DOCK2: variants seen among roughly 807,000 people sequenced by gnomAD.
DOCK2 encodes dedicator of cytokinesis protein 2.
In DOCK2, 87 loss-of-function variants were observed where a neutral mutation model predicts 248.9. That is an observed-to-expected ratio of 0.35 (90% confidence interval 0.29 to 0.42). The LOEUF is 0.42. Ranked by LOEUF, DOCK2 falls within the 10% of genes least tolerant of loss-of-function variation. The pLI, the probability that DOCK2 is intolerant of heterozygous loss-of-function variation, is 1.00. For missense variants in DOCK2, 1,747 were observed against 2,300.2 expected (o/e 0.76, Z 4.92); for synonymous variants, 805 against 821.6 (o/e 0.98, Z 0.35).
At chr5:169,704,129 T>C (rs967674306) in intron 14 of DOCK2, 1 of 152,216 alleles carries the variant, frequency 6.6e-6, no homozygotes, top group African/African-American at 2.4e-5. Flanking sequence ...GGCATGGTGA[T>C]GATTTGTGGT....
intron 27 of DOCK2, among the ~76,000 whole-genome samples, chr5:169,896,123 C>T (rs1330851490): frequency 6.6e-6 from 1 of 152,082 alleles, no homozygotes; most frequent in African/African-American, 2.4e-5. Flanking sequence ...TTGGAAGGAG[C>T]TCCCAGAGCG....
chr5:169,983,073 C>T lies in DOCK2; in HGVS notation c.2805C>T (p.His935=), dbSNP rs1243534362. 1.2e-6 allele frequency: 2 copies of T among 1,614,032 alleles called. No homozygotes were observed. The highest frequency in any genetic ancestry group is 2.2e-5 in the South Asian group (2 of 91,086). The change falls in exon 28 of 52, where the codon CAC becomes CAT. Residue 935 remains histidine (H), a synonymous_variant. Coordinates refer to ENST00000520908, the MANE Select transcript of DOCK2 (RefSeq NM_004946.3). ...TTTGTCTTCATTTCTTGCAGAGTCA[C>T]TTTGTGGCATGTATGACAGCCATCT... is the stretch of plus-strand genomic sequence containing the variant. ...TMGRDHILIS[H]FVACMTAILN...
At chr5:169,940,719 C>T (rs1218717052) in intron 27 of DOCK2, among the ~76,000 whole-genome samples, 1 of 152,170 alleles carries the variant, frequency 6.6e-6, no homozygotes, top group Non-Finnish European at 1.5e-5. Context: ...ACTGATCTGA[C>T]AGGAGGGGGA....
chr5:169,653,448 C>G (rs1218813757), intron 1 of DOCK2, among the ~76,000 whole-genome samples: 2 of 152,186 alleles, frequency 1.3e-5, no homozygotes, highest in Non-Finnish European at 2.9e-5. Flanking sequence ...TTGGAGGAGT[C>G]TGGAGACGTA....
intron 25 of DOCK2, chr5:169,773,010 A>G (rs1765178200): frequency 6.6e-6 from 1 of 152,202 alleles, no homozygotes. Flanking sequence ...AGAGGCATCA[A>G]AGTTCTTCAA....
chr5:169,732,573 A>C (rs1762838198), intron 22 of DOCK2, among the ~76,000 whole-genome samples: 1 of 152,152 alleles, frequency 6.6e-6, no homozygotes, highest in Admixed American at 6.5e-5. Context: ...CTGACCCACA[A>C]ACCAGTATGC....
intron 32 of DOCK2, among the ~76,000 whole-genome samples, chr5:170,009,569 T>C (rs1288813206): frequency 1.3e-5 from 2 of 152,208 alleles, no homozygotes; most frequent in Non-Finnish European, 2.9e-5. Context: ...TTTATTTTTC[T>C]GTCCCTCCTT....
chr5:170,073,067 A>G (rs1016304412), intron 46 of DOCK2, among the ~76,000 whole-genome samples: 4 of 152,208 alleles, frequency 2.6e-5, no homozygotes, highest in African/African-American at 9.6e-5. Context: ...GTCCACTTTA[A>G]GAAACCGCAA....
At chr5:169,726,224 T>C (rs928900331) in intron 22 of DOCK2, among the ~76,000 whole-genome samples, 5 of 152,202 alleles carry the variant, frequency 3.3e-5, no homozygotes, top group Admixed American at 6.5e-5. Flanking sequence ...TGGTATCTCA[T>C]TGTGGTTTTG....
intron 22 of DOCK2, among the ~76,000 whole-genome samples, chr5:169,742,837 A>G (rs1028427609): frequency 6.6e-5 from 10 of 152,214 alleles, no homozygotes; most frequent in African/African-American, 2.4e-4. Flanking sequence ...GAGCATCGCT[A>G]TATTTATCCA....
chr5:170,024,357 C>CT (rs35718164), intron 33 of DOCK2, among the ~76,000 whole-genome samples: 49,490 of 100,744 alleles, frequency 0.49, 14,396 homozygotes, highest in African/African-American at 0.72. Context: ...TTGGGAGAGC[C>CT]TTTTTTTTTT....
At chr5:169,701,000 A>G (rs562802080) in intron 13 of DOCK2, among the ~76,000 whole-genome samples, 3 of 152,336 alleles carry the variant, frequency 2.0e-5, no homozygotes, top group East Asian at 3.9e-4. Context: ...GCCATTTTCA[A>G]TTTTCAATGG....
chr5:169,972,538 GAGAC>G (rs1312908234), intron 27 of DOCK2, among the ~76,000 whole-genome samples: 4 of 129,400 alleles, frequency 3.1e-5, no homozygotes, highest in Admixed American at 1.6e-4. Context: ...GAGCCACTGT[GAGAC>G]AGATAGATAG....
chr5:169,721,782 G>T (rs1209423732), intron 22 of DOCK2, among the ~76,000 whole-genome samples: 1 of 152,260 alleles, frequency 6.6e-6, no homozygotes, highest in African/African-American at 2.4e-5. Context: ...GGAAAGAAGA[G>T]TCGTTGTGGA....
At chr5:169,883,210 C>G in intron 27 of DOCK2, 2 of 1,551,622 alleles carry the variant, frequency 1.3e-6, no homozygotes, top group Non-Finnish European at 8.7e-7. Flanking sequence ...TATGGAGTTA[C>G]TTACTTCAGC....
At chr5:169,724,179 T>A (rs541974000) in intron 22 of DOCK2, among the ~76,000 whole-genome samples, 44 of 152,264 alleles carry the variant, frequency 2.9e-4, no homozygotes, top group African/African-American at 1.0e-3. Flanking sequence ...CTGGAGGGGC[T>A]GACGTACTGA....
intron 25 of DOCK2, among the ~76,000 whole-genome samples, chr5:169,771,580 C>G (rs981886266): frequency 6.6e-6 from 1 of 152,146 alleles, no homozygotes; most frequent in Non-Finnish European, 1.5e-5. Context: ...CGCACCCGGC[C>G]TTTTGTCTTT....
intron 15 of DOCK2, 85 bp from the exon 16 acceptor site, chr5:169,711,850 A>G: frequency 7.0e-7 from 1 of 1,432,604 alleles, no homozygotes; most frequent in Non-Finnish European, 9.8e-7. Flanking sequence ...TTAAATGGTC[A>G]GGCTGCTGTG....
At chr5:169,678,471 A>G (rs1320477146) in intron 6 of DOCK2, among the ~76,000 whole-genome samples, 1 of 152,022 alleles carries the variant, frequency 6.6e-6, no homozygotes, top group Non-Finnish European at 1.5e-5. Context: ...ACCAGTCTCT[A>G]CCAGGCTGGT....
Sources: gnomAD v4.1 joint callset for allele counts (sites outside exome capture counted in the v4.1 genomes callset) on GRCh38, gnomAD v4.1.1 for gene constraint, MANE v1.5 for transcripts, NCBI Gene and HGNC (gene_info 2026-07-23, HGNC 2026-07-21) for gene names.